The following CNTN5 variants were observed in gnomAD, a reference collection of about 807,000 sequenced individuals.
CNTN5 encodes the protein contactin-5.
A neutral mutation model predicts 129.1 loss-of-function variants in CNTN5; 77 were observed. The observed-to-expected ratio is 0.60, with a 90% CI of 0.50 to 0.72. The LOEUF (loss-of-function observed/expected upper bound fraction) is 0.72. Among genes scored for constraint, CNTN5 ranks in the 30% least tolerant of loss-of-function variants. The probability of loss-of-function intolerance (pLI) is 0.00; values close to 1 mark genes in which losing one functional copy is unlikely to be tolerated. For synonymous variants in CNTN5, 509 were observed against 465.6 expected (o/e 1.09, Z -1.20); for missense variants, 1,478 against 1,328.8 (o/e 1.11, Z -1.75).
chr11:99,402,525 A>G (rs910626871), intron 2 of CNTN5, among the ~76,000 whole-genome samples: 3 of 152,108 alleles, frequency 2.0e-5, no homozygotes, highest in African/African-American at 4.8e-5. Context: ...ATTGACCTAT[A>G]GTTTTGTTGT....
At chr11:100,120,024 CATT>C (rs1429245661) in intron 13 of CNTN5, among the ~76,000 whole-genome samples, 1 of 151,912 alleles carries the variant, frequency 6.6e-6, no homozygotes, top group East Asian at 1.9e-4. Context: ...TTTCTCCTAA[CATT>C]ATATGAAATG....
chr11:99,341,460 T>C (rs992407129), intron 2 of CNTN5, among the ~76,000 whole-genome samples: 2 of 152,154 alleles, frequency 1.3e-5, no homozygotes, highest in Non-Finnish European at 2.9e-5. Flanking sequence ...ATATGGAATT[T>C]GTCATCAGGA....
chr11:99,180,649 A>T (rs1252795157), intron 1 of CNTN5, among the ~76,000 whole-genome samples: 1 of 152,160 alleles, frequency 6.6e-6, no homozygotes, highest in Non-Finnish European at 1.5e-5. Flanking sequence ...TCCATGTTCA[A>T]TTGAGTTCAA....
chr11:100,342,040 A>C (rs910765277), intron 23 of CNTN5, among the ~76,000 whole-genome samples: 1 of 152,004 alleles, frequency 6.6e-6, no homozygotes, highest in Non-Finnish European at 1.5e-5. Context: ...TAAAATGCTA[A>C]AATTTAAGGA....
At chr11:99,070,197 G>C (rs1160680927) in intron 1 of CNTN5, among the ~76,000 whole-genome samples, 1 of 152,044 alleles carries the variant, frequency 6.6e-6, no homozygotes, top group African/African-American at 2.4e-5. Context: ...TCTATCTCCT[G>C]TCTCTGACTA....
intron 9 of CNTN5, among the ~76,000 whole-genome samples, chr11:100,009,902 G>GT (rs1361235578): frequency 6.6e-6 from 1 of 152,188 alleles, no homozygotes; most frequent in East Asian, 1.9e-4. Context: ...CCTTTTGGCA[G>GT]TGACATTATT....
chr11:99,409,260 C>T (rs757229420), intron 2 of CNTN5, among the ~76,000 whole-genome samples: 2 of 152,066 alleles, frequency 1.3e-5, no homozygotes, highest in Admixed American at 1.3e-4. Context: ...GTCAGGAGAT[C>T]GAGACCATCC....
intron 1 of CNTN5, among the ~76,000 whole-genome samples, chr11:99,131,468 C>G (rs1043804536): frequency 6.6e-6 from 1 of 151,682 alleles, no homozygotes; most frequent in Non-Finnish European, 1.5e-5. Context: ...AATACCGGAA[C>G]TGGTTTTTTG....
chr11:99,801,092 T>C (rs552618186), intron 3 of CNTN5, among the ~76,000 whole-genome samples: 2 of 152,314 alleles, frequency 1.3e-5, no homozygotes, highest in East Asian at 3.9e-4. Context: ...TTCCGTGTTA[T>C]TACTACCGTA....
Position 100,075,477 on chromosome 11 carries a change from G to A in CNTN5, c.1580+1183G>A, listed in dbSNP as rs1052263179. The stretch of plus-strand genomic sequence containing the variant: ...AATCAAAGTTTTGTGTGACACAGGG[G>A]CCTTCAGAAATGAAGACCCAAAGAC... On this transcript the variant is annotated intron_variant, in intron 13 of 24. Transcript: ENST00000524871. Among the ~76,000 whole-genome samples, 4 of 152,218 alleles carry A rather than the reference G, an allele frequency of 2.6e-5. No individual in the cohort carries two copies. The Middle Eastern group carries it at 0.01, about 388-fold the overall frequency.
In CNTN5 at chr11:99,889,470, A is replaced by T. The variant is rs76801104; in HGVS notation, c.578-26584A>T. 3.3e-5 allele frequency among the ~76,000 whole-genome samples: 5 copies of T among 152,062 alleles called. No homozygotes were observed. In the East Asian group the frequency reaches 9.7e-4, roughly 29 times the overall value. ...ATTTTATAGTCCTCTGTACCATTAA[A>T]AAAAAGTCCAACAAGCTCAAAACAT... On this transcript the variant is annotated intron_variant, in intron 6 of 24. Transcript: ENST00000524871.
At chr11:99,452,379 T>TTTTTG (rs1449973077) in intron 2 of CNTN5, among the ~76,000 whole-genome samples, 1 of 146,626 alleles carries the variant, frequency 6.8e-6, no homozygotes, top group African/African-American at 2.5e-5. Flanking sequence ...GGTGTTTTTT[T>TTTTTG]TTTTTTTTTT....
intron 3 of CNTN5, among the ~76,000 whole-genome samples, chr11:99,568,105 T>C (rs1205509487): frequency 6.6e-6 from 1 of 152,134 alleles, no homozygotes; most frequent in Non-Finnish European, 1.5e-5. Context: ...CATTAGAAAA[T>C]ATTTATTGAA....
intron 1 of CNTN5, among the ~76,000 whole-genome samples, chr11:99,082,771 G>A (rs1022886841): frequency 6.6e-6 from 1 of 152,106 alleles, no homozygotes; most frequent in African/African-American, 2.4e-5. Context: ...ATATAGGGTA[G>A]ATATATCTCC....
At chr11:99,133,182 C>T (rs1205020720) in intron 1 of CNTN5, among the ~76,000 whole-genome samples, 2 of 152,086 alleles carry the variant, frequency 1.3e-5, no homozygotes, top group Non-Finnish European at 2.9e-5. Context: ...ATAAATGGTG[C>T]TGGGAGAACT....
intron 3 of CNTN5, among the ~76,000 whole-genome samples, chr11:99,623,493 A>G (rs901691268): frequency 6.6e-6 from 1 of 152,132 alleles, no homozygotes; most frequent in Non-Finnish European, 1.5e-5. Context: ...AAATATTTCA[A>G]CAGTGTATCT....
chr11:100,067,689 A>G (rs1286437807), intron 10 of CNTN5, among the ~76,000 whole-genome samples: 2 of 152,044 alleles, frequency 1.3e-5, no homozygotes, highest in African/African-American at 4.8e-5. Context: ...GGCCACTTTT[A>G]CTTGTAGAAT....
chr11:100,176,612 G>T (rs751728620), intron 13 of CNTN5, among the ~76,000 whole-genome samples: 1 of 152,022 alleles, frequency 6.6e-6, no homozygotes, highest in South Asian at 2.1e-4. Context: ...AGATATATTT[G>T]AGCAGTGATA....
intron 8 of CNTN5, among the ~76,000 whole-genome samples, chr11:99,980,380 A>G (rs1308492244): frequency 6.6e-6 from 1 of 152,216 alleles, no homozygotes; most frequent in African/African-American, 2.4e-5. Context: ...TTGAGCTGAG[A>G]TAGGACAATT....
Sources: allele counts gnomAD v4.1 joint callset (sites outside exome capture counted in the v4.1 genomes callset), GRCh38; gene constraint gnomAD v4.1.1; transcripts MANE v1.5; gene names NCBI Gene and HGNC (gene_info 2026-07-23, HGNC 2026-07-21).